PLEC: variants seen among roughly 807,000 people sequenced by gnomAD.
PLEC encodes the protein plectin, also known as hemidesmosomal protein 1.
In PLEC, 216 loss-of-function variants were observed where a neutral mutation model predicts 392.8. That is an observed-to-expected ratio of 0.55 (90% CI 0.49 to 0.62). The LOEUF (loss-of-function observed/expected upper bound fraction) is 0.62, where lower values mean the gene tolerates loss of function less well. Among genes scored for constraint, PLEC ranks in the 20% least tolerant of loss-of-function variants. The pLI, the probability that PLEC is intolerant of heterozygous loss-of-function variation, is 0.00. For synonymous variants in PLEC, 3,621 were observed against 2,980.6 expected (o/e 1.21, Z -7.00); for missense variants, 6,863 against 6,563.4 (o/e 1.05, Z -1.58).
rs781907975 is a variant in PLEC, at chr8:143,917,517, G to A, written c.12304C>T (p.Leu4102=). The A allele has an allele frequency of 6.8e-6, 11 of 1,613,848 alleles. No homozygotes were observed. The highest frequency in any genetic ancestry group is 1.6e-4 in the Middle Eastern group (1 of 6,084). Reference sequence around the variant, plus strand: ...GTGATACAACGCTCCATCAGCTGCAGGTAGGTGAGGTTCTCCTCCGTGTTA... The same window carrying A: ...GTGATACAACGCTCCATCAGCTGCAAGTAGGTGAGGTTCTCCTCCGTGTTA... The part of the protein sequence containing the change: ...DPNTEENLTY[L]QLMERCITDP... Residue 4102 remains leucine (L), a synonymous_variant, in exon 32 of 32, where the codon CTG becomes TTG. Transcript: ENST00000345136.
Position 143,932,896 on chromosome 8 carries a change from C to A in PLEC, c.1634G>T (p.Gly545Val). Residue 545 changes from glycine (G) to valine (V), a missense_variant, in exon 14 of 32, where the codon GGT (glycine) becomes GTT (valine). Transcript: ENST00000345136. ...NQHRVDGAEW[G>V]VDLPSVEAQL... Reference sequence around the variant, plus strand: ...CGCCTCCACGCTGGGCAGGTCCACACCCCACTCAGCGCCATCCACACGGTG... The same window carrying A: ...CGCCTCCACGCTGGGCAGGTCCACAACCCACTCAGCGCCATCCACACGGTG... 1.2e-6 allele frequency: 2 copies of A among 1,612,572 alleles called. No individual in the cohort carries two copies. The highest frequency in any genetic ancestry group is 1.7e-6 in the Non-Finnish European group (2 of 1,179,900).
intron 4 of PLEC, 28 bp from the exon 5 acceptor site, chr8:143,937,099 C>T (rs1829250643): frequency 6.2e-7 from 1 of 1,609,474 alleles, no homozygotes; most frequent in Non-Finnish European, 8.5e-7. Context: ...TCGGTCACGG[C>T]CCACAGGGCG....
intron 1 of PLEC, 67 bp from the exon 2 acceptor site, chr8:143,938,759 G>C: frequency 7.3e-7 from 1 of 1,376,208 alleles, no homozygotes; most frequent in Non-Finnish European, 1.0e-6. Context: ...GGTGACCACC[G>C]TGCAGACACA....
chr8:143,945,146 C>A, intron 1 of PLEC: 1 of 440,754 alleles, frequency 2.3e-6, no homozygotes, highest in Admixed American at 3.0e-5. Flanking sequence ...GAGGGCCCTG[C>A]GCAGGTCACT....
Position 143,916,335 on chromosome 8 carries a change from C to T in PLEC, c.13486G>A (p.Gly4496Ser), listed in dbSNP as rs782618187. Residue 4496 changes from glycine to serine, a missense_variant, in exon 32 of 32, where the codon GGC becomes AGC. By Grantham distance (56) the Gly-to-Ser change is moderately conservative. Coordinates refer to ENST00000345136, the MANE Select transcript of PLEC (RefSeq NM_201384.3). ...CCGCGGCGGGAGCCGGCCCGGGAGC[C>T]GGTGCGCGAGCCGGTGCGGGAGCCA... ...TAGSRTGSRTGSRAGSRRGSF... is the reference protein window; with the variant it reads ...TAGSRTGSRTSSRAGSRRGSF... The T allele has an allele frequency of 1.1e-4, 171 of 1,596,584 alleles. No individual in the cohort carries two copies. Among genetic ancestry groups the T allele is most frequent in the East Asian group, 7.7e-4 (34 of 44,300 alleles).
intron 16 of PLEC, 43 bp downstream of exon 16, chr8:143,932,357 G>A (rs374701780): frequency 1.2e-5 from 20 of 1,610,548 alleles, no homozygotes; most frequent in Non-Finnish European, 1.6e-5. Context: ...GGCACAGCTG[G>A]GGAGGGGGCT....
intron 19 of PLEC, 76 bp downstream of exon 19, chr8:143,931,458 A>C: frequency 2.0e-6 from 3 of 1,508,206 alleles, no homozygotes; most frequent in Admixed American, 2.0e-5. Flanking sequence ...GTTGCCCCCT[A>C]GTCTCCAGAG....
At chr8:143,961,717 C>G (rs1313425036) in intron 1 of PLEC, among the ~76,000 whole-genome samples, 1 of 152,114 alleles carries the variant, frequency 6.6e-6, no homozygotes, top group Non-Finnish European at 1.5e-5. Context: ...AGAGAGATGC[C>G]CAAGCTGTAT....
At chr8:143,937,405 G>A (rs1337437114) in intron 3 of PLEC, among the ~76,000 whole-genome samples, 163 bp from the exon 4 acceptor site, 7 of 152,302 alleles carry the variant, frequency 4.6e-5, no homozygotes, top group South Asian at 4.1e-4. Flanking sequence ...GGAGGCCACC[G>A]GCCCAGGGGC....
rs782412831 is a variant in PLEC at position 143,925,369 on chromosome 8, G to A, written c.4560C>T (p.Arg1520=). Residue 1520 remains arginine, a synonymous_variant, in exon 31 of 32, where the codon CGC becomes CGT. Transcript: ENST00000345136. Reference sequence around the variant, plus strand: ...GCGCCGCCTCGGCCTCGGCCTTCACGCGCGAGGCCAGCTCCACCTCCGCCT... The same window carrying A: ...GCGCCGCCTCGGCCTCGGCCTTCACACGCGAGGCCAGCTCCACCTCCGCCT... ...KRQAEVELAS[R]VKAEAEAARE... 360 of 1,560,660 alleles carry A rather than the reference G, an allele frequency of 2.3e-4. 1 individual carries two copies. Among genetic ancestry groups the A allele is most frequent in the South Asian group, 1.8e-3 (154 of 86,986 alleles).
Position 143,919,974 on chromosome 8 carries a change from T to C in PLEC, c.9847A>G (p.Lys3283Glu), listed in dbSNP as rs1394011738. The C allele has an allele frequency of 6.2e-7, 1 of 1,613,190 alleles. No homozygotes were observed. The highest frequency in any genetic ancestry group is 1.7e-5 in the Admixed American group (1 of 60,006). ...ATGGTAATGAGAATCTTGATGACCT[T>C]CTCCACGGTGACCTTGCCCGTGCGG... ...QFRTGKVTVEKVIKILITIVE... is the reference protein window; with the variant it reads ...QFRTGKVTVEEVIKILITIVE... Residue 3283 changes from lysine (K) to glutamate (E), a missense_variant, in exon 32 of 32, where the codon AAG becomes GAG. By Grantham distance (56) the Lys-to-Glu change is moderately conservative. Coordinates refer to ENST00000345136, the MANE Select transcript of PLEC (RefSeq NM_201384.3).
chr8:143,958,715 G>A, upstream of PLEC: 1 of 447,924 alleles, frequency 2.2e-6, no homozygotes, highest in Non-Finnish European at 4.5e-6. The surrounding 1 kb of genome is among the most constrained non-coding windows in gnomAD (Gnocchi z 4.9). Context: ...CAGCAGGGTG[G>A]ACCTCGCCAG....
chr8:143,946,034 C>T (rs1554732019), intron 1 of PLEC, among the ~76,000 whole-genome samples: 1 of 152,274 alleles, frequency 6.6e-6, no homozygotes, highest in African/African-American at 2.4e-5. Context: ...TTTCAGCCCA[C>T]TCCCTGCCAC....
upstream of PLEC, chr8:143,943,706 G>C (rs1830921538): frequency 2.2e-6 from 3 of 1,383,404 alleles, no homozygotes; most frequent in Admixed American, 5.7e-5. Context: ...GAGGGCGCAG[G>C]GAATGAAGGG....
At chr8:143,941,029 C>A (rs1453305372), upstream of PLEC, among the ~76,000 whole-genome samples, 4 of 152,264 alleles carry the variant, frequency 2.6e-5, no homozygotes, top group Non-Finnish European at 5.9e-5. Flanking sequence ...CTGGTCAGCA[C>A]CTCCAGTCTT....
intron 2 of PLEC, 67 bp from the exon 3 acceptor site, chr8:143,938,307 T>C (rs1829611046): frequency 3.3e-6 from 5 of 1,536,268 alleles, no homozygotes; most frequent in Non-Finnish European, 4.4e-6. Context: ...GAGTGGCTGA[T>C]CTACAGAGTG....
chr8:143,964,270 T>C (rs2132893212), intron 1 of PLEC, among the ~76,000 whole-genome samples: 1 of 152,310 alleles, frequency 6.6e-6, no homozygotes, highest in East Asian at 1.9e-4. Flanking sequence ...GATATGTCTA[T>C]GAACAATTCC....
rs782387808 is a variant in PLEC, at chr8:143,919,159, G to A, written c.10662C>T (p.Thr3554=). The change falls in exon 32 of 32, where the codon ACC becomes ACT. Residue 3554 remains threonine (T), a synonymous_variant. Transcript: ENST00000345136. The stretch of plus-strand genomic sequence containing the variant: ...TCTCCTCCTCAGTGTACACCTGCGT[G>A]GTCTCCACCACCTCAGCCTTCTCCG... The part of the protein sequence containing the change: ...KGAEKAEVVE[T]TQVYTEEETR... The A allele has an allele frequency of 6.2e-7, 1 of 1,613,570 alleles. No individual in the cohort carries two copies. Among genetic ancestry groups the A allele is most frequent in the African/African-American group, 1.3e-5 (1 of 75,024 alleles).
rs999240663 is a variant in PLEC, at chr8:143,923,412, A to G, written c.6517T>C (p.Phe2173Leu). The G allele has an allele frequency of 3.1e-6, 5 of 1,610,456 alleles. No homozygotes were observed. The highest frequency in any genetic ancestry group is 1.3e-5 in the African/African-American group (1 of 74,764). Residue 2173 changes from phenylalanine to leucine, a missense_variant, in exon 31 of 32, where the codon TTC (phenylalanine) becomes CTC (leucine). Transcript: ENST00000345136. The part of the protein sequence containing the change: ...ADAEMEKHKK[F>L]AEQTLRQKAQ... ...TTCTGCCGCAGCGTCTGCTCGGCGA[A>G]TTTCTTATGCTTCTCCATCTCCGCG...
Sources: allele counts gnomAD v4.1 joint callset (sites outside exome capture counted in the v4.1 genomes callset), GRCh38; gene constraint gnomAD v4.1.1; non-coding constraint Gnocchi (gnomAD v3.1); transcripts MANE v1.5; gene names NCBI Gene and HGNC (gene_info 2026-07-23, HGNC 2026-07-21).